MDGA2: variants seen among roughly 807,000 people sequenced by gnomAD.
The protein encoded by MDGA2 is MAM domain-containing glycosylphosphatidylinositol anchor protein 2.
Under a neutral mutation model 117.8 loss-of-function variants are expected in MDGA2, and 40 were observed. The ratio of observed to expected loss-of-function variants is 0.34; its 90% confidence interval spans 0.26 to 0.44. The LOEUF (loss-of-function observed/expected upper bound fraction) is 0.44. Among genes scored for constraint, MDGA2 ranks in the 20% least tolerant of loss-of-function variants. MDGA2 has a pLI of 1.00. For missense variants in MDGA2, 1,123 were observed against 1,250.6 expected (o/e 0.90, Z 1.54); for synonymous variants, 452 against 439.0 (o/e 1.03, Z -0.37).
chr14:47,602,275 A>C (rs1896662393), intron 1 of MDGA2, among the ~76,000 whole-genome samples: 2 of 152,174 alleles, frequency 1.3e-5, no homozygotes, highest in Admixed American at 1.3e-4. Context: ...AAATCCAAAA[A>C]CACGGGTAAG....
intron 2 of MDGA2, among the ~76,000 whole-genome samples, chr14:47,296,108 G>A (rs1035125194): frequency 1.4e-4 from 22 of 152,088 alleles, no homozygotes; most frequent in African/African-American, 5.3e-4. Flanking sequence ...TGACCATCTT[G>A]TTTGTATAAG....
chr14:47,313,246 G>A (rs909245328), intron 1 of MDGA2, among the ~76,000 whole-genome samples: 3 of 151,808 alleles, frequency 2.0e-5, no homozygotes, highest in African/African-American at 4.8e-5. Flanking sequence ...CACATGGATC[G>A]GTGCCTTTCA....
At chr14:47,389,015 A>T (rs926048447) in intron 1 of MDGA2, among the ~76,000 whole-genome samples, 28 of 152,224 alleles carry the variant, frequency 1.8e-4, no homozygotes, top group African/African-American at 6.8e-4. Flanking sequence ...AAATGTTAAA[A>T]ATTCCATTGC....
At chr14:47,138,687 TA>T (rs1882572913) in intron 4 of MDGA2, among the ~76,000 whole-genome samples, 1 of 152,006 alleles carries the variant, frequency 6.6e-6, no homozygotes, top group African/African-American at 2.4e-5. Context: ...ACTAGAACTT[TA>T]AAAAAATTAT....
intron 3 of MDGA2, among the ~76,000 whole-genome samples, chr14:47,152,339 G>C (rs1883194446): frequency 6.6e-6 from 1 of 151,996 alleles, no homozygotes; most frequent in Non-Finnish European, 1.5e-5. Context: ...TCAACATGTA[G>C]GTGTTCAGGA....
intron 1 of MDGA2, among the ~76,000 whole-genome samples, chr14:47,491,557 T>C (rs1478130159): frequency 6.6e-6 from 1 of 152,110 alleles, no homozygotes; most frequent in Non-Finnish European, 1.5e-5. Context: ...TTAGCCAAAG[T>C]ATGCAGAACT....
chr14:47,444,369 C>T (rs907796075), intron 1 of MDGA2: 2 of 177,302 alleles, frequency 1.1e-5, no homozygotes, highest in Non-Finnish European at 2.5e-5. Flanking sequence ...AACCACGCTT[C>T]ATCATCACAG....
At chr14:47,375,955 T>C (rs1891469107) in intron 1 of MDGA2, among the ~76,000 whole-genome samples, 1 of 152,138 alleles carries the variant, frequency 6.6e-6, no homozygotes, top group African/African-American at 2.4e-5. Context: ...TTATTTAGTT[T>C]CCACCCAATC....
chr14:47,454,529 G>T (rs1309666104), intron 1 of MDGA2, among the ~76,000 whole-genome samples: 1 of 152,094 alleles, frequency 6.6e-6, no homozygotes, highest in Admixed American at 6.6e-5. Context: ...ATCAATAAAA[G>T]ATTATTATTC....
At chr14:47,055,602 G>A (rs952972232) in intron 7 of MDGA2, among the ~76,000 whole-genome samples, 2 of 152,136 alleles carry the variant, frequency 1.3e-5, no homozygotes, top group African/African-American at 4.8e-5. Context: ...GGTTACATGT[G>A]AGTTTAATTT....
intron 12 of MDGA2, 96 bp downstream of exon 12, chr14:46,877,393 T>A: frequency 1.5e-6 from 1 of 665,010 alleles, no homozygotes; most frequent in South Asian, 2.5e-5. Context: ...TTAAACCAAC[T>A]AAGAATAGTT....
intron 1 of MDGA2, among the ~76,000 whole-genome samples, chr14:47,391,896 AT>A (rs1359445536): frequency 9.2e-5 from 14 of 152,106 alleles, no homozygotes; most frequent in African/African-American, 3.4e-4. Flanking sequence ...ATTAAAAGTT[AT>A]TTTAAACTGA....
At chr14:47,597,102 AG>A (rs1321729256) in intron 1 of MDGA2, among the ~76,000 whole-genome samples, 2 of 152,128 alleles carry the variant, frequency 1.3e-5, no homozygotes, top group African/African-American at 4.8e-5. Flanking sequence ...TCTGTGATAG[AG>A]GGGTATGTTC....
intron 16 of MDGA2, among the ~76,000 whole-genome samples, chr14:46,842,291 T>A (rs1880648257): frequency 6.6e-6 from 1 of 152,040 alleles, no homozygotes; most frequent in Non-Finnish European, 1.5e-5. Flanking sequence ...TTCACATAGG[T>A]TTGTGGTTGA....
chr14:47,295,451 C>G (rs1889032338), intron 2 of MDGA2, among the ~76,000 whole-genome samples: 1 of 152,022 alleles, frequency 6.6e-6, no homozygotes, highest in African/African-American at 2.4e-5. Context: ...GACCTCATTG[C>G]AAGAATAAAG....
In MDGA2 at chr14:47,218,037, G is replaced by A. The variant is rs1374267626; in HGVS notation, c.579C>T (p.Ile193=). The change falls in exon 3 of 17, where the codon ATC becomes ATT. Residue 193 remains isoleucine, a synonymous_variant. Coordinates refer to ENST00000399232, the MANE Select transcript of MDGA2 (RefSeq NM_001113498.3). ...NGLGSPAIKS[I]RVDVYYLDDP... Reference sequence around the variant, plus strand: ...TTTACTTACAGTATACATCCACTCTGATTGACTTTATCGCTGGAGACCCCA... The same window carrying A: ...TTTACTTACAGTATACATCCACTCTAATTGACTTTATCGCTGGAGACCCCA... 1 of 1,549,398 alleles carries A rather than the reference G, an allele frequency of 6.5e-7. No homozygotes were observed. Among genetic ancestry groups the A allele is most frequent in the South Asian group, 1.2e-5 (1 of 83,782 alleles).
chr14:46,962,158 T>C (rs1464355397), intron 8 of MDGA2, among the ~76,000 whole-genome samples: 1 of 152,198 alleles, frequency 6.6e-6, no homozygotes, highest in Non-Finnish European at 1.5e-5. Context: ...GACATCACTG[T>C]CTAGGATCAC....
intron 3 of MDGA2, among the ~76,000 whole-genome samples, chr14:47,194,080 T>TA (rs1475740899): frequency 2.0e-5 from 3 of 152,210 alleles, no homozygotes; most frequent in African/African-American, 7.2e-5. Flanking sequence ...CCCATAATTA[T>TA]ATTTCTATTT....
At chr14:47,540,540 G>GTGTATGTGTATATATATATA in intron 1 of MDGA2, among the ~76,000 whole-genome samples, 2 of 79,188 alleles carry the variant, frequency 2.5e-5, no homozygotes, top group African/African-American at 7.8e-5. Flanking sequence ...GTGTGTGTGT[G>GTGTATGTGTATATATATATA]TATATATATA....
Sources: gnomAD v4.1 joint callset for allele counts (sites outside exome capture counted in the v4.1 genomes callset) on GRCh38, gnomAD v4.1.1 for gene constraint, MANE v1.5 for transcripts, NCBI Gene and HGNC (gene_info 2026-07-23, HGNC 2026-07-21) for gene names.